The following ARID1B variants were observed in gnomAD, a reference collection of about 807,000 sequenced individuals.
ARID1B encodes the protein AT-rich interaction domain 1B, also known as AT-rich interactive domain-containing protein 1B.
Under a neutral mutation model 212.3 loss-of-function variants are expected in ARID1B, and 30 were observed. That is an observed-to-expected ratio of 0.14 (90% CI 0.11 to 0.19). The LOEUF (loss-of-function observed/expected upper bound fraction) is 0.19, where lower values mean the gene tolerates loss of function less well. Ranked by LOEUF, ARID1B falls within the 10% of genes least tolerant of loss-of-function variation. ARID1B has a pLI of 1.00. For synonymous variants in ARID1B, 1,402 were observed against 1,301.7 expected (o/e 1.08, Z -1.66); for missense variants, 2,891 against 3,204.0 (o/e 0.90, Z 2.36).
rs370889837 is a variant in ARID1B, at chr6:157,200,946, C to T, written c.4721C>T (p.Pro1574Leu). 62 of 1,613,968 alleles carry T rather than the reference C, an allele frequency of 3.8e-5. No homozygotes were observed. In the Admixed American group the frequency reaches 8.2e-4, roughly 21 times the overall value. Residue 1574 changes from proline (P) to leucine (L), a missense_variant, in exon 18 of 20, where the codon CCG becomes CTG. This residue lies in a region of ARID1B where 666 missense variants were observed against 873.5 expected (regional missense o/e 0.76). Coordinates refer to ENST00000636930, the MANE Select transcript of ARID1B (RefSeq NM_001374828.1). The surrounding 1 kb of genome is among the most constrained non-coding windows in gnomAD (Gnocchi z 4.3). ...HGIPPQMMGG[P>L]LQSSSSEGPQ... is the part of the protein sequence containing the mutation. ...ATCCCGCCTCAGATGATGGGCGGCC[C>T]GCTGCAGTCGTCCTCCAGTGAGGGG...
chr6:156,947,283 T>C (rs957472388), intron 4 of ARID1B, among the ~76,000 whole-genome samples: 1 of 152,226 alleles, frequency 6.6e-6, no homozygotes, highest in African/African-American at 2.4e-5. Context: ...TACTTTTGAA[T>C]GATTTGGGCT....
chr6:157,028,117 A>G (rs979660948), intron 4 of ARID1B, among the ~76,000 whole-genome samples: 4 of 151,724 alleles, frequency 2.6e-5, no homozygotes, highest in Non-Finnish European at 5.9e-5. Context: ...CTTAAATAAA[A>G]TGGCATTGAA....
chr6:156,916,422 G>A (rs975301521), intron 3 of ARID1B, among the ~76,000 whole-genome samples: 2 of 151,976 alleles, frequency 1.3e-5, no homozygotes, highest in South Asian at 2.1e-4. Context: ...CCCAACACTC[G>A]TCATTTCCTT....
In ARID1B at chr6:157,181,065, A is replaced by T. The variant is rs771621841; in HGVS notation, c.3601A>T (p.Thr1201Ser). 5.1e-5 allele frequency: 83 copies of T among 1,614,106 alleles called. No homozygotes were observed. In the East Asian group the frequency reaches 1.8e-3, roughly 36 times the overall value. The change falls in exon 12 of 20, where the codon ACC (threonine) becomes TCC (serine). Residue 1201 changes from threonine (T) to serine (S), a missense_variant. Transcript: ENST00000636930. The part of the protein sequence containing the change: ...ERKLWVDRYL[T>S]FMEERGSPVS... ...AAAGCTCTGGGTCGACCGATACCTC[A>T]CCTTCATGGAAGAGAGAGGCTCTCC...
chr6:157,137,241 A>G (rs992175689), intron 7 of ARID1B, among the ~76,000 whole-genome samples: 3 of 152,212 alleles, frequency 2.0e-5, no homozygotes, highest in African/African-American at 7.2e-5. Context: ...AGAAATGTAT[A>G]TTAGTACTAT....
At chr6:156,958,881 T>G (rs1794157860) in intron 4 of ARID1B, among the ~76,000 whole-genome samples, 1 of 152,184 alleles carries the variant, frequency 6.6e-6, no homozygotes, top group South Asian at 2.1e-4. Flanking sequence ...AAGGTACTTT[T>G]AAAAGGTAAG....
At chr6:156,860,418 G>A (rs1583173964) in intron 2 of ARID1B, among the ~76,000 whole-genome samples, 2 of 151,856 alleles carry the variant, frequency 1.3e-5, no homozygotes, top group Admixed American at 6.5e-5. Context: ...AAATGAAACA[G>A]GACAGAAGCC....
At chr6:157,106,945 T>C (rs1015029661) in intron 5 of ARID1B, among the ~76,000 whole-genome samples, 32 of 152,182 alleles carry the variant, frequency 2.1e-4, no homozygotes, top group Non-Finnish European at 1.2e-4. Flanking sequence ...CAAGATCTTC[T>C]AAAGGATCCA....
At chr6:156,818,044 T>C (rs1160040209) in intron 1 of ARID1B, among the ~76,000 whole-genome samples, 1 of 151,316 alleles carries the variant, frequency 6.6e-6, no homozygotes, top group Non-Finnish European at 1.5e-5. Flanking sequence ...AGCAATCTTC[T>C]CTCCTTCAGT....
intron 12 of ARID1B, 34 bp from the exon 13 acceptor site, chr6:157,184,197 T>A (rs1792789254): frequency 6.4e-7 from 1 of 1,563,120 alleles, no homozygotes; most frequent in East Asian, 2.3e-5. Flanking sequence ...GCCACTTTGT[T>A]GCAAACCAAT....
At chr6:156,887,923 A>G (rs1456187198) in intron 2 of ARID1B, among the ~76,000 whole-genome samples, 1 of 152,166 alleles carries the variant, frequency 6.6e-6, no homozygotes, top group Non-Finnish European at 1.5e-5. Flanking sequence ...TCCCCTTCCA[A>G]ATTGGAAGAT....
chr6:156,848,374 T>C (rs1784364527), intron 2 of ARID1B, among the ~76,000 whole-genome samples: 1 of 152,214 alleles, frequency 6.6e-6, no homozygotes, highest in Non-Finnish European at 1.5e-5. Flanking sequence ...GTGTCAGGAA[T>C]AAAGAATAAG....
intron 2 of ARID1B, among the ~76,000 whole-genome samples, chr6:156,854,870 G>C (rs1442157093): frequency 1.3e-5 from 2 of 152,212 alleles, no homozygotes; most frequent in East Asian, 3.8e-4. Context: ...ACAAAAATAT[G>C]ATCATAAGAA....
chr6:157,072,493 A>C (rs1172604483), intron 4 of ARID1B: 1 of 152,226 alleles, frequency 6.6e-6, no homozygotes, highest in Non-Finnish European at 1.5e-5. Flanking sequence ...ATGCTCATAT[A>C]ATCTTTATAA....
chr6:157,068,260 T>C (rs551001787), intron 4 of ARID1B, among the ~76,000 whole-genome samples: 73 of 152,366 alleles, frequency 4.8e-4, no homozygotes, highest in African/African-American at 1.4e-3. Flanking sequence ...TGAACTTAAT[T>C]ATGAATTTTT....
chr6:156,777,873 G>T lies in ARID1B; in HGVS notation c.193G>T (p.Gly65Cys), dbSNP rs1475395446. ...GPMLGGGGDGGGGLNSVHHHP... is the reference protein window; with the variant it reads ...GPMLGGGGDGCGGLNSVHHHP... ...CATGCTGGGGGGCGGCGGCGACGGCGGCGGCGGCCTGAACAGTGTGCACCA... is the reference window on the plus strand; with the variant it reads ...CATGCTGGGGGGCGGCGGCGACGGCTGCGGCGGCCTGAACAGTGTGCACCA... Residue 65 changes from glycine (G) to cysteine (C), a missense_variant, in exon 1 of 20, where the codon GGC (glycine) becomes TGC (cysteine). Physicochemically the swap from Gly to Cys is radical, Grantham distance 159. Around this residue, in one of 7 missense-constraint regions of ARID1B, gnomAD observed 1,643 missense variants for 1,544.0 expected, o/e 1.06. Coordinates refer to ENST00000636930, the MANE Select transcript of ARID1B (RefSeq NM_001374828.1). 1 of 1,347,064 alleles carries T rather than the reference G, an allele frequency of 7.4e-7. No homozygotes were observed. The highest frequency in any genetic ancestry group is 1.8e-5 in the South Asian group (1 of 55,208). 83.4% of individuals were successfully genotyped at this position (1,347,064 alleles called of 1,614,324 possible).
intron 6 of ARID1B, among the ~76,000 whole-genome samples, chr6:157,116,481 C>T (rs1196253163): frequency 3.4e-5 from 5 of 148,524 alleles, no homozygotes; most frequent in Non-Finnish European, 7.4e-5. Flanking sequence ...CCCTTTTTAT[C>T]TAGTAAGCCA....
intron 11 of ARID1B, 38 bp from the exon 12 acceptor site, chr6:157,180,931 C>T (rs1445046773): frequency 6.3e-7 from 1 of 1,583,386 alleles, no homozygotes; most frequent in Non-Finnish European, 8.6e-7. Flanking sequence ...CCTCTGCCCA[C>T]CCATGCCCCA....
rs115278796 is a variant in ARID1B, at chr6:157,046,752, T to C, written c.2248-37910T>C. 5.6e-3 allele frequency among the ~76,000 whole-genome samples: 851 copies of C among 152,370 alleles called. 6 individuals carry two copies. The highest frequency in any genetic ancestry group is 0.019 in the African/African-American group (800 of 41,596). On this transcript the variant is annotated intron_variant, in intron 4 of 19. Coordinates refer to ENST00000636930, the MANE Select transcript of ARID1B (RefSeq NM_001374828.1). ...AAATTTTTAAAAGAAAGGTAAAATA[T>C]AGAAATTTTATTTTCTGCCACCTTT...
Sources: gnomAD v4.1 joint callset for allele counts (sites outside exome capture counted in the v4.1 genomes callset) on GRCh38, gnomAD v4.1.1 for gene constraint, gnomAD v4.1.1 regional missense constraint, Gnocchi (gnomAD v3.1) non-coding constraint, MANE v1.5 for transcripts, NCBI Gene and HGNC (gene_info 2026-07-23, HGNC 2026-07-21) for gene names.